Variants in LYRM4 observed in about 807,000 individuals in gnomAD.
LYRM4 encodes LYR motif containing 4.
A neutral mutation model predicts 11.7 loss-of-function variants in LYRM4; 9 were observed. That is an observed-to-expected ratio of 0.77 (90% CI 0.46 to 1.34). The LOEUF is 1.34. LYRM4 is among the 40% of genes most tolerant of loss of function. The pLI is 0.00. For synonymous variants in LYRM4, 42 were observed against 40.4 expected (o/e 1.04, Z -0.15); for missense variants, 133 against 112.5 (o/e 1.18, Z -0.82).
intron 1 of LYRM4, among the ~76,000 whole-genome samples, chr6:5,219,448 CCT>C (rs957482346): frequency 1.1e-4 from 17 of 152,330 alleles, no homozygotes; most frequent in Admixed American, 7.2e-4. Flanking sequence ...ATGGTTCCCT[CCT>C]CTCTTTCCTG....
At chr6:5,085,103 A>G in the LYRM4 span, 1 of 221,536 alleles carries the variant, frequency 4.5e-6, no homozygotes, top group Non-Finnish European at 8.8e-6. Flanking sequence ...GGTGCGGGTG[A>G]GGGCTGCAGG....
chr6:5,159,940 T>C (rs894549996), intron 2 of LYRM4, among the ~76,000 whole-genome samples: 5 of 152,240 alleles, frequency 3.3e-5, no homozygotes, highest in African/African-American at 4.8e-5. Flanking sequence ...CATCACTTTT[T>C]CCTGGGATGT....
the LYRM4 span, among the ~76,000 whole-genome samples, chr6:5,039,675 G>A: frequency 6.6e-6 from 1 of 152,132 alleles, no homozygotes; most frequent in Admixed American, 6.5e-5. Context: ...GAGAAAGGGA[G>A]CATTCTGACA....
chr6:5,114,068 G>C (rs1053931030), intron 2 of LYRM4, among the ~76,000 whole-genome samples: 2 of 152,210 alleles, frequency 1.3e-5, no homozygotes, highest in Non-Finnish European at 2.9e-5. Context: ...GGTGTCAGCT[G>C]TCATCATGGC....
At chr6:5,064,904 T>C in the LYRM4 span, among the ~76,000 whole-genome samples, 60 of 152,154 alleles carry the variant, frequency 3.9e-4, no homozygotes, top group African/African-American at 1.4e-3. Context: ...CTAAAGTCCA[T>C]AGTTTACATC....
chr6:5,259,723 A>G (rs1764881252), intron 1 of LYRM4, among the ~76,000 whole-genome samples: 1 of 152,180 alleles, frequency 6.6e-6, no homozygotes, highest in Non-Finnish European at 1.5e-5. Flanking sequence ...GCTTGAGGTA[A>G]AGAGATGAGT....
At chr6:5,210,365 G>A (rs570394900) in intron 2 of LYRM4, among the ~76,000 whole-genome samples, 1 of 151,952 alleles carries the variant, frequency 6.6e-6, no homozygotes, top group African/African-American at 2.4e-5. Context: ...CAGAGGGCTC[G>A]CGGGTGTAAA....
At chr6:5,167,918 A>G (rs1759183528) in intron 2 of LYRM4, among the ~76,000 whole-genome samples, 1 of 151,382 alleles carries the variant, frequency 6.6e-6, no homozygotes, top group Admixed American at 6.6e-5. Context: ...GAAAAGACAA[A>G]GGAAAAAAAA....
intron 1 of LYRM4, among the ~76,000 whole-genome samples, chr6:5,229,553 C>T (rs1763109724): frequency 6.6e-6 from 1 of 152,182 alleles, no homozygotes; most frequent in East Asian, 1.9e-4. Flanking sequence ...ATTCCCAAAG[C>T]CCCAGCTCCT....
the LYRM4 span, chr6:5,085,760 T>C: frequency 6.5e-7 from 1 of 1,537,010 alleles, no homozygotes; most frequent in Admixed American, 2.0e-5. Context: ...GCCGACCCCA[T>C]CTTGCAGGCG....
chr6:5,245,113 A>AATATAT (rs1158676783), intron 1 of LYRM4, among the ~76,000 whole-genome samples: 24 of 24,098 alleles, frequency 1.0e-3, no homozygotes, highest in South Asian at 4.3e-3. Flanking sequence ...AAAAAAAAAA[A>AATATAT]ATATATATAT....
At chr6:5,037,544 C>T in the LYRM4 span, among the ~76,000 whole-genome samples, 3 of 74,000 alleles carry the variant, frequency 4.1e-5, no homozygotes, top group Non-Finnish European at 6.5e-5. Flanking sequence ...CAGACGGGGT[C>T]CTGGCCGGGC....
intron 2 of LYRM4, among the ~76,000 whole-genome samples, chr6:5,147,094 G>T (rs192709461): frequency 1.3e-5 from 2 of 152,298 alleles, no homozygotes; most frequent in African/African-American, 2.4e-5. Context: ...CAGGCCATTG[G>T]TATTACTTGA....
intron 2 of LYRM4, among the ~76,000 whole-genome samples, chr6:5,200,183 T>C (rs1050747709): frequency 2.0e-5 from 3 of 152,190 alleles, no homozygotes; most frequent in East Asian, 3.9e-4. Flanking sequence ...GTTTACATGA[T>C]AAGCGTGTCT....
chr6:5,100,447 C>T (rs780129926), downstream of LYRM4, among the ~76,000 whole-genome samples: 17 of 152,186 alleles, frequency 1.1e-4, no homozygotes, highest in Admixed American at 2.6e-4. Flanking sequence ...CTCTGGACCT[C>T]CCAGGCCTGT....
intron 2 of LYRM4, among the ~76,000 whole-genome samples, chr6:5,132,171 T>C (rs574835899): frequency 1.3e-5 from 2 of 152,332 alleles, no homozygotes; most frequent in East Asian, 3.9e-4. Context: ...GCTTAATACA[T>C]AAGCAATACA....
chr6:5,116,365 T>G (rs540184467), intron 2 of LYRM4, among the ~76,000 whole-genome samples: 23 of 152,258 alleles, frequency 1.5e-4, no homozygotes, highest in Middle Eastern at 3.4e-3. Flanking sequence ...GAAGGGGAAA[T>G]ACTCAGTTCA....
chr6:5,248,477 C>T (rs1365135985), intron 1 of LYRM4, among the ~76,000 whole-genome samples: 4 of 152,266 alleles, frequency 2.6e-5, no homozygotes, highest in Non-Finnish European at 5.9e-5. Flanking sequence ...CTTAGCACAG[C>T]ATACAAAGCT....
At chr6:5,115,789 C>T (rs1763091914) in intron 2 of LYRM4, among the ~76,000 whole-genome samples, 1 of 151,974 alleles carries the variant, frequency 6.6e-6, no homozygotes, top group African/African-American at 2.4e-5. Context: ...ATTTTATGGC[C>T]CTTGGGGGGA....
Sources: allele counts gnomAD v4.1 joint callset (sites outside exome capture counted in the v4.1 genomes callset), GRCh38; gene constraint gnomAD v4.1.1; transcripts MANE v1.5; gene names NCBI Gene and HGNC (gene_info 2026-07-23, HGNC 2026-07-21).